Variants in MAF observed in about 807,000 individuals in gnomAD.
MAF encodes transcription factor Maf.
Under a neutral mutation model 22.0 loss-of-function variants are expected in MAF, and 10 were observed. The ratio of observed to expected loss-of-function variants is 0.45; its 90% CI spans 0.28 to 0.77. The LOEUF is 0.77. Among genes scored for constraint, MAF ranks in the 30% least tolerant of loss-of-function variants. MAF has a pLI of 0.12. For missense variants in MAF, 544 were observed against 548.4 expected (o/e 0.99, Z 0.08); for synonymous variants, 337 against 255.8 (o/e 1.32, Z -3.03).
chr16:79,381,182 G>C, the MAF span, among the ~76,000 whole-genome samples: 2 of 151,864 alleles, frequency 1.3e-5, no homozygotes, highest in African/African-American at 4.8e-5. Flanking sequence ...GCATGTGCCT[G>C]CTTTCCCTAC....
At chr16:79,436,062 G>A in the MAF span, among the ~76,000 whole-genome samples, 11 of 152,194 alleles carry the variant, frequency 7.2e-5, no homozygotes, top group Non-Finnish European at 1.0e-4. Context: ...CAAAGTCTGT[G>A]AGAAATGAGA....
At chr16:79,506,524 G>C in the MAF span, among the ~76,000 whole-genome samples, 1 of 152,224 alleles carries the variant, frequency 6.6e-6, no homozygotes, top group Non-Finnish European at 1.5e-5. Context: ...GCATAGCAGA[G>C]AGAATGTGGG....
chr16:79,570,245 C>T, the MAF span, among the ~76,000 whole-genome samples: 3 of 152,236 alleles, frequency 2.0e-5, no homozygotes, highest in African/African-American at 7.2e-5. Context: ...TCCTTCTGGG[C>T]TCTGCCTAAT....
the MAF span, among the ~76,000 whole-genome samples, chr16:79,482,869 TCTC>T: frequency 1.5e-4 from 5 of 34,200 alleles, no homozygotes; most frequent in South Asian, 1.3e-3. Context: ...CCTCCCTCCC[TCTC>T]CTCCTCTCCC....
At chr16:79,547,073 A>C in the MAF span, among the ~76,000 whole-genome samples, 1 of 152,140 alleles carries the variant, frequency 6.6e-6, no homozygotes, top group East Asian at 1.9e-4. Context: ...TTTTCTTTGA[A>C]AAGTTCCTTT....
the MAF span, among the ~76,000 whole-genome samples, chr16:79,214,759 C>G: frequency 2.1e-3 from 236 of 112,358 alleles, no homozygotes; most frequent in Middle Eastern, 8.2e-3. Context: ...GTTGCCCAGT[C>G]TAGAGTGCAG....
downstream of MAF, among the ~76,000 whole-genome samples, chr16:79,582,044 G>T (rs1333526056): frequency 2.6e-5 from 4 of 152,222 alleles, no homozygotes; most frequent in South Asian, 8.3e-4. Flanking sequence ...TTTTCCCACT[G>T]TCTTACTGTT....
At chr16:79,441,105 T>C in the MAF span, among the ~76,000 whole-genome samples, 10 of 152,242 alleles carry the variant, frequency 6.6e-5, no homozygotes, top group Admixed American at 4.6e-4. Context: ...TCCCCAGCCA[T>C]AGATTACTAG....
At chr16:79,374,549 T>C in the MAF span, among the ~76,000 whole-genome samples, 1 of 152,318 alleles carries the variant, frequency 6.6e-6, no homozygotes, top group East Asian at 1.9e-4. Flanking sequence ...CTGGTAATAT[T>C]TCCAAGTTAC....
the MAF span, among the ~76,000 whole-genome samples, chr16:79,502,708 A>ATACATAT: frequency 0.025 from 860 of 33,884 alleles, 89 homozygotes; most frequent in Middle Eastern, 0.05. Context: ...TATAAATATA[A>ATACATAT]ATATATATAT....
At chr16:79,417,105 T>G in the MAF span, among the ~76,000 whole-genome samples, 3 of 152,162 alleles carry the variant, frequency 2.0e-5, no homozygotes, top group Non-Finnish European at 4.4e-5. Flanking sequence ...TAGCAAAAGT[T>G]ATTCAGCCAG....
At chr16:79,335,239 T>C in the MAF span, among the ~76,000 whole-genome samples, 10 of 148,040 alleles carry the variant, frequency 6.8e-5, no homozygotes, top group Admixed American at 1.3e-4. Context: ...TAGAAATCAA[T>C]CATATTTTGG....
At chr16:79,440,654 A>G in the MAF span, among the ~76,000 whole-genome samples, 2 of 152,046 alleles carry the variant, frequency 1.3e-5, no homozygotes, top group Admixed American at 1.3e-4. Flanking sequence ...CTCGTGATCC[A>G]CCCGCCTTGG....
the MAF span, among the ~76,000 whole-genome samples, chr16:79,280,254 A>G: frequency 6.6e-6 from 1 of 152,222 alleles, no homozygotes; most frequent in Non-Finnish European, 1.5e-5. Context: ...TGATAAATCC[A>G]GTTTTGTGTA....
the MAF span, among the ~76,000 whole-genome samples, chr16:79,380,495 A>C: frequency 0.047 from 7,198 of 152,218 alleles, 385 homozygotes; most frequent in African/African-American, 0.13. Context: ...AAAAGTGAAA[A>C]CTCAGAAGGA....
At chr16:79,475,738 A>G in the MAF span, among the ~76,000 whole-genome samples, 1 of 152,138 alleles carries the variant, frequency 6.6e-6, no homozygotes, top group Non-Finnish European at 1.5e-5. Flanking sequence ...ATGAATAAGG[A>G]TTAAGTGGGG....
At chr16:79,375,723 G>A in the MAF span, among the ~76,000 whole-genome samples, 1 of 152,004 alleles carries the variant, frequency 6.6e-6, no homozygotes, top group Non-Finnish European at 1.5e-5. Flanking sequence ...CACAAATGGG[G>A]TCACAGACTT....
At chr16:79,574,620 G>T in the MAF span, among the ~76,000 whole-genome samples, 1 of 152,196 alleles carries the variant, frequency 6.6e-6, no homozygotes, top group South Asian at 2.1e-4. Context: ...TTCCAAAAGA[G>T]AAGAGTGAGA....
the MAF span, among the ~76,000 whole-genome samples, chr16:79,576,813 C>T: frequency 6.6e-6 from 1 of 152,112 alleles, no homozygotes; most frequent in Non-Finnish European, 1.5e-5. Flanking sequence ...GCTTTACATA[C>T]ATTACCATAT....
Sources: gnomAD v4.1 joint callset for allele counts (sites outside exome capture counted in the v4.1 genomes callset) on GRCh38, gnomAD v4.1.1 for gene constraint, MANE v1.5 for transcripts, NCBI Gene and HGNC (gene_info 2026-07-23, HGNC 2026-07-21) for gene names.